The following ZNF362 variants were observed in gnomAD, a reference collection of about 807,000 sequenced individuals.
ZNF362 encodes zinc finger protein 362.
In ZNF362, 11 loss-of-function variants were observed where a neutral mutation model predicts 42.9. The ratio of observed to expected loss-of-function variants is 0.26; its 90% CI spans 0.16 to 0.42. The LOEUF (loss-of-function observed/expected upper bound fraction) is 0.42. Ranked by LOEUF, ZNF362 falls within the 20% of genes least tolerant of loss-of-function variation. ZNF362 has a pLI of 1.00. For synonymous variants in ZNF362, 255 were observed against 257.3 expected, an observed-to-expected ratio of 0.99 and a Z score of 0.09; for missense variants, 362 against 576.2, an observed-to-expected ratio of 0.63 and a Z score of 3.81.
upstream of ZNF362, among the ~76,000 whole-genome samples, chr1:33,255,704 C>T (rs1260040829): frequency 6.6e-6 from 1 of 152,162 alleles, no homozygotes; most frequent in Non-Finnish European, 1.5e-5. Flanking sequence ...GTCGGGGATC[C>T]GGCCTAGGGC....
Position 33,265,723 on chromosome 1 carries a change from T to G in ZNF362, c.-88-4764T>G, listed in dbSNP as rs920871201. ...TCTCCTAGACCATCTGCTTATCCTCTCCAGGCCATCCTTCTGGCCCCATAC... is the reference window on the plus strand; with the variant it reads ...TCTCCTAGACCATCTGCTTATCCTCGCCAGGCCATCCTTCTGGCCCCATAC... On this transcript the variant is annotated intron_variant, in intron 1 of 8. Transcript: ENST00000539719. Among the ~76,000 whole-genome samples, 6 of 152,206 alleles carry G rather than the reference T, an allele frequency of 3.9e-5. No homozygotes were observed. In the East Asian group the frequency reaches 1.2e-3, roughly 29 times the overall value.
At chr1:33,252,918 A>G (rs1645768893), upstream of ZNF362, among the ~76,000 whole-genome samples, 1 of 152,144 alleles carries the variant, frequency 6.6e-6, no homozygotes, top group Non-Finnish European at 1.5e-5. Context: ...AGAGGATGAC[A>G]GTGGGCTTGC....
chr1:33,272,945 C>T (rs1035783459), intron 2 of ZNF362, among the ~76,000 whole-genome samples: 2 of 152,266 alleles, frequency 1.3e-5, no homozygotes, highest in African/African-American at 4.8e-5. Context: ...CCTTGTCCCT[C>T]TGTCCTGAAC....
chr1:33,159,944 A>C, the ZNF362 span: 1 of 1,600,864 alleles, frequency 6.2e-7, no homozygotes, highest in Non-Finnish European at 8.5e-7. This position sits in a 1 kb window ranked among gnomAD's most constrained non-coding sequence, Gnocchi z 4.2. Flanking sequence ...TTGGTGGAAG[A>C]CTGTGGGGGA....
At chr1:33,211,274 C>A in the ZNF362 span, among the ~76,000 whole-genome samples, 2 of 152,068 alleles carry the variant, frequency 1.3e-5, no homozygotes, top group Non-Finnish European at 2.9e-5. Flanking sequence ...TTTGATCCTG[C>A]CATTATGATG....
At chr1:33,221,535 G>A in the ZNF362 span, among the ~76,000 whole-genome samples, 1 of 152,156 alleles carries the variant, frequency 6.6e-6, no homozygotes, top group African/African-American at 2.4e-5. Flanking sequence ...ACTATACCAG[G>A]CATTTCTCAT....
the ZNF362 span, among the ~76,000 whole-genome samples, chr1:33,240,243 T>G: frequency 1.4e-3 from 214 of 152,264 alleles, 6 homozygotes; most frequent in African/African-American, 4.5e-3. Flanking sequence ...CTTCCTGATA[T>G]GAGGCACTGA....
In ZNF362 at chr1:33,280,809, C is replaced by T. The variant is rs769158086; in HGVS notation, c.683+352C>T. Among the ~76,000 whole-genome samples the T allele has an allele frequency of 6.6e-6, 1 of 152,162 alleles. No individual in the cohort carries two copies. The highest frequency in any genetic ancestry group is 1.5e-5 in the Non-Finnish European group (1 of 68,020). On this transcript the variant is annotated intron_variant, in intron 5 of 8. Coordinates refer to ENST00000539719, the MANE Select transcript of ZNF362 (RefSeq NM_152493.3). This position sits in a 1 kb window ranked among gnomAD's most constrained non-coding sequence, Gnocchi z 5.6. ...AGAGGCCGTGCACAATGGCTCATCC[C>T]TGTAATCCCAGCGCTTTGGGAGGCC...
At chr1:33,267,495 T>C (rs1197424191) in intron 1 of ZNF362, among the ~76,000 whole-genome samples, 1 of 152,222 alleles carries the variant, frequency 6.6e-6, no homozygotes, top group Non-Finnish European at 1.5e-5. Context: ...CACAAGTATT[T>C]TTTTAAATGA....
chr1:33,172,622 C>T, the ZNF362 span, among the ~76,000 whole-genome samples: 2 of 152,128 alleles, frequency 1.3e-5, no homozygotes, highest in African/African-American at 4.8e-5. Flanking sequence ...GTCTGCGCAG[C>T]CCTGAGCACA....
At chr1:33,170,218 T>A in the ZNF362 span, among the ~76,000 whole-genome samples, 1 of 151,956 alleles carries the variant, frequency 6.6e-6, no homozygotes, top group African/African-American at 2.4e-5. Context: ...TAATTCCAGC[T>A]ACTTGGGAGG....
the ZNF362 span, among the ~76,000 whole-genome samples, chr1:33,186,135 T>G: frequency 3.3e-5 from 5 of 152,180 alleles, no homozygotes; most frequent in Non-Finnish European, 7.3e-5. Flanking sequence ...GACATACTTA[T>G]GTGCAGTGGT....
At position 33,294,589 on chromosome 1, in the gene ZNF362, T is replaced by G. The variant is rs1401845905; in HGVS notation, c.909-348T>G. On this transcript the variant is annotated intron_variant, in intron 6 of 8. Coordinates refer to ENST00000539719, the MANE Select transcript of ZNF362 (RefSeq NM_152493.3). The surrounding 1 kb of genome is among the most constrained non-coding windows in gnomAD (Gnocchi z 4.2). ...GACAAAGCTGTGCATCTGTGTTCTTTGCAATATGTGGTCCGTAGTGTGGGG... is the reference window on the plus strand; with the variant it reads ...GACAAAGCTGTGCATCTGTGTTCTTGGCAATATGTGGTCCGTAGTGTGGGG... Among the ~76,000 whole-genome samples the G allele has an allele frequency of 1.3e-5, 2 of 152,124 alleles. No homozygotes were observed. Among genetic ancestry groups the G allele is most frequent in the African/African-American group, 4.8e-5 (2 of 41,424 alleles).
chr1:33,165,674 C>G, the ZNF362 span: 1 of 902,502 alleles, frequency 1.1e-6, no homozygotes, highest in South Asian at 2.1e-5. This position sits in a 1 kb window ranked among gnomAD's most constrained non-coding sequence, Gnocchi z 4.0. Context: ...TGTCCCCAAC[C>G]TCCAACACTT....
chr1:33,136,589 T>TG, the ZNF362 span, among the ~76,000 whole-genome samples: 1 of 151,462 alleles, frequency 6.6e-6, no homozygotes, highest in African/African-American at 2.4e-5. Context: ...AGGCTGGTCT[T>TG]GAACTCCTGG....
intron 2 of ZNF362, among the ~76,000 whole-genome samples, chr1:33,272,038 G>A (rs1051305403): frequency 1.4e-5 from 2 of 146,974 alleles, no homozygotes; most frequent in African/African-American, 2.4e-5. Context: ...TGAGGCTGGT[G>A]GGAGAGAGGG....
chr1:33,157,224 C>T, the ZNF362 span, among the ~76,000 whole-genome samples: 2 of 152,166 alleles, frequency 1.3e-5, no homozygotes, highest in Non-Finnish European at 2.9e-5. Context: ...TCACCTTGAC[C>T]CTCCTTCTCA....
At chr1:33,149,035 C>G in the ZNF362 span, among the ~76,000 whole-genome samples, 1 of 152,232 alleles carries the variant, frequency 6.6e-6, no homozygotes, top group Non-Finnish European at 1.5e-5. Flanking sequence ...CTCCTCCTCT[C>G]TGCTTGTTGC....
At chr1:33,175,031 T>TATTTA in the ZNF362 span, among the ~76,000 whole-genome samples, 1 of 147,102 alleles carries the variant, frequency 6.8e-6, no homozygotes, top group Non-Finnish European at 1.5e-5. Context: ...ATGTATATGT[T>TATTTA]TATGTATATG....
Sources: gnomAD v4.1 joint callset for allele counts (sites outside exome capture counted in the v4.1 genomes callset) on GRCh38, gnomAD v4.1.1 for gene constraint, Gnocchi (gnomAD v3.1) non-coding constraint, MANE v1.5 for transcripts, NCBI Gene and HGNC (gene_info 2026-07-23, HGNC 2026-07-21) for gene names.